The following RIN3 variants were observed in gnomAD, a reference collection of about 807,000 sequenced individuals.
The protein encoded by RIN3 is Ras and Rab interactor 3.
In RIN3, 54 loss-of-function variants were observed where a neutral mutation model predicts 76.3. The ratio of observed to expected loss-of-function variants is 0.71; its 90% CI spans 0.57 to 0.89. The LOEUF (loss-of-function observed/expected upper bound fraction) is 0.89. RIN3 is among the 40% of genes least tolerant of loss of function. RIN3 has a pLI of 0.00. For missense variants in RIN3, 1,256 were observed against 1,322.1 expected (o/e 0.95, Z 0.78); for synonymous variants, 576 against 564.0 (o/e 1.02, Z -0.30).
At chr14:92,675,947 T>C (rs1186222722) in intron 7 of RIN3, among the ~76,000 whole-genome samples, 1 of 152,154 alleles carries the variant, frequency 6.6e-6, no homozygotes, top group East Asian at 1.9e-4. Context: ...GAGGGGTCTT[T>C]ACGTTTTAAA....
chr14:92,662,184 C>T lies in RIN3; in HGVS notation c.2335+2715C>T, dbSNP rs78957460. Among the ~76,000 whole-genome samples the T allele has an allele frequency of 2.0e-5, 3 of 152,188 alleles. No homozygotes were observed. The South Asian group carries it at 6.2e-4, about 32-fold the overall frequency. ...CTGGCAAAGGGTGTCCGAGAATGAG[C>T]GGGGCCTTCTCAAGCCTTCTCAGAG... On this transcript the variant is annotated intron_variant, in intron 7 of 9. Coordinates refer to ENST00000216487, the MANE Select transcript of RIN3 (RefSeq NM_024832.5).
At chr14:92,531,751 G>A (rs56188517) in intron 1 of RIN3, among the ~76,000 whole-genome samples, 3,131 of 152,254 alleles carry the variant, frequency 0.021, 41 homozygotes, top group Non-Finnish European at 0.033. Context: ...GCACCCTCAC[G>A]ACACTGGCAG....
intron 3 of RIN3, among the ~76,000 whole-genome samples, chr14:92,590,802 G>GC (rs1884952392): frequency 6.6e-6 from 1 of 152,120 alleles, no homozygotes; most frequent in South Asian, 2.1e-4. Context: ...AGAGGCACAG[G>GC]CTCAGTGAAA....
chr14:92,551,979 C>T (rs975432959), intron 1 of RIN3, among the ~76,000 whole-genome samples: 2 of 152,012 alleles, frequency 1.3e-5, no homozygotes, highest in Admixed American at 6.6e-5. Context: ...AGAAATAGAC[C>T]CTGAAGGAGG....
Position 92,623,040 on chromosome 14 carries a change from T to A in RIN3, c.440+7561T>A, listed in dbSNP as rs1595463070. On this transcript the variant is annotated intron_variant, in intron 4 of 9. Transcript: ENST00000216487. This position sits in a 1 kb window ranked among gnomAD's most constrained non-coding sequence, Gnocchi z 4.9. ...TGGACTAGTCCACGAATGCAGGGCA[T>A]GATGCAGCATCCAACAAGAATAAGC... Among the ~76,000 whole-genome samples, 1 of 152,230 alleles carries A rather than the reference T, an allele frequency of 6.6e-6. No homozygotes were observed. The highest frequency in any genetic ancestry group is 1.5e-5 in the Non-Finnish European group (1 of 68,042).
At chr14:92,538,935 G>A (rs958085881) in intron 1 of RIN3, among the ~76,000 whole-genome samples, 5 of 151,984 alleles carry the variant, frequency 3.3e-5, no homozygotes, top group African/African-American at 1.2e-4. Flanking sequence ...CCCCTGTACA[G>A]GGGAGGACCC....
intron 3 of RIN3, among the ~76,000 whole-genome samples, chr14:92,600,602 C>A (rs1166003222): frequency 2.0e-5 from 3 of 152,182 alleles, no homozygotes; most frequent in African/African-American, 7.2e-5. Context: ...AGTCATGGGC[C>A]GTCTTCCATT....
intron 2 of RIN3, among the ~76,000 whole-genome samples, chr14:92,572,689 TAG>T (rs1898095590): frequency 1.3e-5 from 2 of 152,174 alleles, no homozygotes; most frequent in African/African-American, 4.8e-5. Flanking sequence ...CCTGCAGTTA[TAG>T]AGAGGGGCGG....
In RIN3 at chr14:92,601,783, C is replaced by T. The variant is rs575798053; in HGVS notation, c.368-13624C>T. 1.2e-4 allele frequency among the ~76,000 whole-genome samples: 18 copies of T among 152,310 alleles called. 1 individual carries two copies. Among genetic ancestry groups the T allele is most frequent in the Middle Eastern group, 3.4e-3 (1 of 294 alleles). On this transcript the variant is annotated intron_variant, in intron 3 of 9. Coordinates refer to ENST00000216487, the MANE Select transcript of RIN3 (RefSeq NM_024832.5). ...CCACCTCCCCTTCCCCTAAAAATCT[C>T]CCCAGCCTGGTTTCTCTTTAGCCTT...
At chr14:92,630,434 G>C (rs1198913099) in intron 4 of RIN3, among the ~76,000 whole-genome samples, 3 of 152,226 alleles carry the variant, frequency 2.0e-5, no homozygotes, top group African/African-American at 7.2e-5. Flanking sequence ...AGAGGTTGCA[G>C]TGAATTGAGA....
chr14:92,561,075 A>G (rs1396547527), intron 2 of RIN3, among the ~76,000 whole-genome samples: 1 of 120,504 alleles, frequency 8.3e-6, no homozygotes, highest in East Asian at 2.4e-4. Context: ...TATATGCCAT[A>G]AATATATATA....
chr14:92,558,448 A>T (rs1345462629), intron 2 of RIN3, among the ~76,000 whole-genome samples: 1 of 152,248 alleles, frequency 6.6e-6, no homozygotes, highest in Admixed American at 6.5e-5. Flanking sequence ...TGCTTTGCAG[A>T]TATCATCTTG....
rs866647794 is a variant in RIN3, at chr14:92,550,426, C to G, written c.45-5325C>G. Reference sequence around the variant, plus strand: ...GTTTAGTTTTATTTATTTATTCATTCATTTTGAGACAGGGTCTTGTTCTGT... The same window carrying G: ...GTTTAGTTTTATTTATTTATTCATTGATTTTGAGACAGGGTCTTGTTCTGT... On this transcript the variant is annotated intron_variant, in intron 1 of 9. Coordinates refer to ENST00000216487, the MANE Select transcript of RIN3 (RefSeq NM_024832.5). Among the ~76,000 whole-genome samples, 11 of 151,904 alleles carry G rather than the reference C, an allele frequency of 7.2e-5. No individual in the cohort carries two copies. The South Asian group carries it at 1.9e-3, about 26-fold the overall frequency.
chr14:92,652,165 C>G lies in RIN3; in HGVS notation c.1116C>G (p.Pro372=). The G allele has an allele frequency of 6.3e-7, 1 of 1,597,058 alleles. No homozygotes were observed. Among genetic ancestry groups the G allele is most frequent in the Non-Finnish European group, 8.5e-7 (1 of 1,170,594 alleles). ...GAASSPLQQV[P]APPLPAKKNL... The stretch of plus-strand genomic sequence containing the variant: ...CCTCCAGTCCCTTGCAGCAGGTCCC[C>G]GCCCCGCCACTGCCTGCGAAGAAGA... Residue 372 remains proline, a synonymous_variant, in exon 6 of 10, where the codon CCC becomes CCG. Coordinates refer to ENST00000216487, the MANE Select transcript of RIN3 (RefSeq NM_024832.5). The surrounding 1 kb of genome is among the most constrained non-coding windows in gnomAD (Gnocchi z 6.4).
chr14:92,579,508 G>A (rs933845384), intron 3 of RIN3, among the ~76,000 whole-genome samples: 1 of 152,252 alleles, frequency 6.6e-6, no homozygotes, highest in African/African-American at 2.4e-5. Flanking sequence ...CAATGGCTAT[G>A]TGTATACATG....
chr14:92,616,586 C>CT (rs551711243), intron 4 of RIN3, among the ~76,000 whole-genome samples: 2 of 149,848 alleles, frequency 1.3e-5, no homozygotes, highest in Non-Finnish European at 3.0e-5. Flanking sequence ...GACCAATGAT[C>CT]TTTTTTTTTC....
intron 3 of RIN3, among the ~76,000 whole-genome samples, chr14:92,595,207 A>G (rs1885111884): frequency 1.3e-5 from 2 of 152,228 alleles, no homozygotes; most frequent in Non-Finnish European, 2.9e-5. Flanking sequence ...TGTGATCAAA[A>G]TGAGCCAAGG....
chr14:92,529,649 C>T (rs1016432500), intron 1 of RIN3, among the ~76,000 whole-genome samples: 3 of 152,240 alleles, frequency 2.0e-5, no homozygotes. Context: ...CAGGGCGACA[C>T]TCTGTTTCCC....
chr14:92,687,807 A>T, intron 9 of RIN3, 119 bp from the exon 10 acceptor site: 2 of 873,496 alleles, frequency 2.3e-6, no homozygotes, highest in Non-Finnish European at 3.3e-6. Context: ...CAGGTGCCGG[A>T]CTCGCAGACA....
Sources: gnomAD v4.1 joint callset for allele counts (sites outside exome capture counted in the v4.1 genomes callset) on GRCh38, gnomAD v4.1.1 for gene constraint, Gnocchi (gnomAD v3.1) non-coding constraint, MANE v1.5 for transcripts, NCBI Gene and HGNC (gene_info 2026-07-23, HGNC 2026-07-21) for gene names.